FRMPD4: variants seen among roughly 807,000 people sequenced by gnomAD.
FRMPD4 encodes the protein FERM and PDZ domain containing 4.
In FRMPD4, 22 loss-of-function variants were observed where a neutral mutation model predicts 94.1. That is an observed-to-expected ratio of 0.23 (90% CI 0.17 to 0.33). FRMPD4 has a LOEUF of 0.33. Among genes scored for constraint, FRMPD4 ranks in the 10% least tolerant of loss-of-function variants. The probability of loss-of-function intolerance (pLI) is 1.00; values close to 1 mark genes in which losing one functional copy is unlikely to be tolerated. For synonymous variants in FRMPD4, 631 were observed against 548.6 expected (o/e 1.15, Z -2.10); for missense variants, 1,111 against 1,339.9 (o/e 0.83, Z 2.67).
intron 1 of FRMPD4, among the ~76,000 whole-genome samples, chrX:12,290,463 GCTAA>G (rs1290120587): frequency 3.3e-4 from 37 of 112,006 alleles, no homozygotes; most frequent in African/African-American, 1.0e-3. Context: ...TTTAAAAATG[GCTAA>G]CTATCTAAAG....
intron 2 of FRMPD4, among the ~76,000 whole-genome samples, chrX:12,538,460 C>T (rs1369926788): frequency 8.9e-6 from 1 of 111,921 alleles, no homozygotes; most frequent in African/African-American, 3.2e-5. Flanking sequence ...CCCTGTCTGA[C>T]AGCTTTGAAG....
In FRMPD4 at chrX:12,598,161, C is replaced by G. The variant is rs753470503; in HGVS notation, c.159-11560C>G. Among the ~76,000 whole-genome samples the G allele has an allele frequency of 9.9e-5, 11 of 111,287 alleles. No homozygotes were observed. In the South Asian group the frequency reaches 4.2e-3, roughly 43 times the overall value. ...TCTTGGAGAAGAATCAGAAAAGAAG[C>G]TGAAATGAGATTTTTCACTGGAAGC... is the stretch of plus-strand genomic sequence containing the variant. On this transcript the variant is annotated intron_variant, in intron 2 of 16. Coordinates refer to ENST00000675598, the MANE Select transcript of FRMPD4 (RefSeq NM_001368397.1).
chrX:12,017,975 G>A (rs770420695), intron 3 of FRMPD4, among the ~76,000 whole-genome samples: 1 of 111,822 alleles, frequency 8.9e-6, no homozygotes, highest in Non-Finnish European at 1.9e-5. Flanking sequence ...CCATTTAATA[G>A]ATGAGAAATA....
At chrX:12,451,067 C>T (rs1348143903) in intron 1 of FRMPD4, among the ~76,000 whole-genome samples, 1 of 110,637 alleles carries the variant, frequency 9.0e-6, no homozygotes, top group Non-Finnish European at 1.9e-5. Context: ...GATCCACCAG[C>T]CTTAAATGTG....
At chrX:12,402,482 C>T in intron 1 of FRMPD4, among the ~76,000 whole-genome samples, 1 of 111,550 alleles carries the variant, frequency 9.0e-6, no homozygotes, top group South Asian at 3.7e-4. Flanking sequence ...AGTCAAACCC[C>T]AAGGATTCCT....
chrX:12,553,389 A>G (rs1253253336), intron 2 of FRMPD4, among the ~76,000 whole-genome samples: 1 of 97,637 alleles, frequency 1.0e-5, no homozygotes, highest in Non-Finnish European at 2.0e-5. Flanking sequence ...ATGCAACTAC[A>G]TATAGTGCCA....
chrX:11,997,421 T>C (rs2214175), intron 3 of FRMPD4, among the ~76,000 whole-genome samples: 9,885 of 111,736 alleles, frequency 0.088, 365 homozygotes, highest in East Asian at 0.24. Flanking sequence ...ATTAGTCACT[T>C]ACTGCTGTGG....
chrX:12,290,677 A>C (rs1383265033), intron 1 of FRMPD4, among the ~76,000 whole-genome samples: 6 of 111,892 alleles, frequency 5.4e-5, no homozygotes, highest in Non-Finnish European at 9.4e-5. Context: ...TTATATTTCT[A>C]TTCTTTCTAT....
intron 1 of FRMPD4, among the ~76,000 whole-genome samples, chrX:12,312,178 T>C (rs1292089738): frequency 1.8e-5 from 2 of 109,982 alleles, no homozygotes; most frequent in African/African-American, 6.6e-5. Context: ...GTTTTTTAAT[T>C]AGTTTTTATA....
At chrX:12,666,311 A>T in intron 4 of FRMPD4, among the ~76,000 whole-genome samples, 1 of 111,005 alleles carries the variant, frequency 9.0e-6, no homozygotes, top group Admixed American at 9.6e-5. Flanking sequence ...AGAGACTTAG[A>T]CTCCCACACA....
intron 3 of FRMPD4, among the ~76,000 whole-genome samples, chrX:12,067,061 G>A (rs188682394): frequency 6.4e-4 from 70 of 109,123 alleles, no homozygotes; most frequent in East Asian, 2.6e-3. Context: ...TTAGTGAGAC[G>A]GGGTTTCACC....
At chrX:12,527,733 G>A (rs1342728398) in intron 2 of FRMPD4, among the ~76,000 whole-genome samples, 1 of 111,484 alleles carries the variant, frequency 9.0e-6, no homozygotes, top group African/African-American at 3.3e-5. Context: ...TTCCTATCTG[G>A]AGCTCAATGA....
chrX:12,172,162 G>A (rs761222171), intron 1 of FRMPD4, among the ~76,000 whole-genome samples: 89 of 109,822 alleles, frequency 8.1e-4, no homozygotes, highest in Admixed American at 1.5e-3. Flanking sequence ...TGTCCAACCT[G>A]CCTTATTTTG....
At chrX:12,399,916 G>A (rs1200336064) in intron 1 of FRMPD4, among the ~76,000 whole-genome samples, 1 of 111,897 alleles carries the variant, frequency 8.9e-6, no homozygotes, top group East Asian at 2.8e-4. Context: ...CAAATGAAGA[G>A]GGCATTTGCT....
intron 1 of FRMPD4, among the ~76,000 whole-genome samples, chrX:12,218,088 G>C (rs2056826802): frequency 9.0e-6 from 1 of 110,982 alleles, no homozygotes; most frequent in Non-Finnish European, 1.9e-5. Flanking sequence ...AAAGAATTTT[G>C]GTCATTAGTG....
chrX:12,144,181 T>A (rs867026382), intron 1 of FRMPD4, among the ~76,000 whole-genome samples: 1 of 112,147 alleles, frequency 8.9e-6, no homozygotes, highest in South Asian at 3.7e-4. Flanking sequence ...TAAAACCAGA[T>A]AAGTGGATTT....
intron 1 of FRMPD4, among the ~76,000 whole-genome samples, chrX:12,277,972 C>T (rs1350632449): frequency 1.8e-5 from 2 of 112,094 alleles, no homozygotes; most frequent in Non-Finnish European, 1.9e-5. Flanking sequence ...TTGCCCTCAC[C>T]TATGTCCCAT....
At chrX:12,377,841 A>C (rs1250188617) in intron 1 of FRMPD4, among the ~76,000 whole-genome samples, 1 of 112,521 alleles carries the variant, frequency 8.9e-6, no homozygotes, top group Non-Finnish European at 1.9e-5. Flanking sequence ...CCTTGGCATT[A>C]GGCATTCTCC....
rs183457969 is a variant in FRMPD4, at chrX:12,055,931, A to G, written c.95+177913A>G. On this transcript the variant is annotated intron_variant, in intron 3 of 18. Coordinates refer to the FRMPD4 transcript ENST00000640291. ...TTTGGGCCTTGTGGGTACAGAATTC[A>G]TAGGAGTTATAGTGAATAAAATAAA... Among the ~76,000 whole-genome samples, 216 of 111,898 alleles carry G rather than the reference A, an allele frequency of 1.9e-3. 1 individual carries two copies. The highest frequency in any genetic ancestry group is 6.7e-3 in the African/African-American group (208 of 30,857).
Sources: allele counts gnomAD v4.1 joint callset (sites outside exome capture counted in the v4.1 genomes callset), GRCh38; gene constraint gnomAD v4.1.1; transcripts MANE v1.5; gene names NCBI Gene and HGNC (gene_info 2026-07-23, HGNC 2026-07-21).